The following LMBR1 variants were observed in gnomAD, a reference collection of about 807,000 sequenced individuals.
LMBR1 encodes limb development membrane protein 1.
In LMBR1, 52 loss-of-function variants were observed where a neutral mutation model predicts 73.9. The observed-to-expected ratio is 0.70, with a 90% CI of 0.56 to 0.89. The LOEUF (loss-of-function observed/expected upper bound fraction) is 0.89. Among genes scored for constraint, LMBR1 ranks in the 40% least tolerant of loss-of-function variants. The pLI, the probability that LMBR1 is intolerant of heterozygous loss-of-function variation, is 0.00. For synonymous variants in LMBR1, 215 were observed against 209.4 expected (o/e 1.03, Z -0.23); for missense variants, 539 against 579.8 (o/e 0.93, Z 0.72).
chr7:156,841,694 C>G (rs1326742197), intron 1 of LMBR1, among the ~76,000 whole-genome samples: 1 of 152,062 alleles, frequency 6.6e-6, no homozygotes, highest in Non-Finnish European at 1.5e-5. Context: ...GATTTAGCAC[C>G]ATGGAGGTCA....
At chr7:156,749,696 T>C (rs1176364878) in intron 9 of LMBR1, among the ~76,000 whole-genome samples, 1 of 152,138 alleles carries the variant, frequency 6.6e-6, no homozygotes, top group Admixed American at 6.5e-5. Context: ...GCAAGGACTT[T>C]TTCGTTTTTT....
intron 3 of LMBR1, among the ~76,000 whole-genome samples, chr7:156,829,649 T>G (rs557376863): frequency 6.6e-6 from 1 of 152,192 alleles, no homozygotes; most frequent in Non-Finnish European, 1.5e-5. Flanking sequence ...ACTAACACTA[T>G]CAGGCTCTTC....
chr7:156,730,765 G>A (rs1403581996), intron 10 of LMBR1, among the ~76,000 whole-genome samples: 7 of 151,984 alleles, frequency 4.6e-5, no homozygotes, highest in Admixed American at 2.6e-4. Context: ...GTAAAACCCC[G>A]TCTCTACTAA....
downstream of LMBR1, among the ~76,000 whole-genome samples, chr7:156,675,121 G>A (rs1217135167): frequency 6.6e-6 from 1 of 152,206 alleles, no homozygotes; most frequent in African/African-American, 2.4e-5. Flanking sequence ...GTGCAGACCC[G>A]AAGAGGCAGC....
chr7:156,827,197 GA>G (rs1022981759), intron 3 of LMBR1, among the ~76,000 whole-genome samples: 4 of 151,628 alleles, frequency 2.6e-5, no homozygotes, highest in Non-Finnish European at 4.4e-5. Flanking sequence ...TATTTCAGAG[GA>G]AAAAAAACTT....
chr7:156,748,794 GGATCATTTTTA>G (rs1169196270), intron 9 of LMBR1, among the ~76,000 whole-genome samples: 4 of 151,710 alleles, frequency 2.6e-5, no homozygotes, highest in Non-Finnish European at 5.9e-5. Context: ...CAGCCAATTT[GGATCATTTTTA>G]TAGAATAACT....
intron 5 of LMBR1, among the ~76,000 whole-genome samples, chr7:156,772,797 G>A (rs185557410): frequency 8.5e-4 from 129 of 151,298 alleles, no homozygotes; most frequent in African/African-American, 2.9e-3. Context: ...GCAGCAAGCC[G>A]AGATTGTGCC....
At chr7:156,842,918 C>T (rs1265833244) in intron 1 of LMBR1, among the ~76,000 whole-genome samples, 1 of 152,166 alleles carries the variant, frequency 6.6e-6, no homozygotes, top group African/African-American at 2.4e-5. Flanking sequence ...CCTCCCCTTT[C>T]CAGCCAAGCG....
intron 13 of LMBR1, 111 bp from the exon 14 acceptor site, chr7:156,725,636 T>TAA: frequency 8.3e-7 from 1 of 1,209,396 alleles, no homozygotes; most frequent in Non-Finnish European, 1.2e-6. Flanking sequence ...AAAGCCGCTT[T>TAA]AAGTGCTTGA....
intron 4 of LMBR1, among the ~76,000 whole-genome samples, chr7:156,803,831 A>C (rs1253502222): frequency 1.3e-5 from 2 of 151,968 alleles, no homozygotes; most frequent in Non-Finnish European, 2.9e-5. Flanking sequence ...GGATGAGTTC[A>C]TGTCCTTTGT....
intron 4 of LMBR1, among the ~76,000 whole-genome samples, chr7:156,796,940 T>C (rs1830146669): frequency 6.6e-6 from 1 of 152,216 alleles, no homozygotes; most frequent in Admixed American, 6.5e-5. Flanking sequence ...AGCCCTTATG[T>C]GCCAAGCACT....
chr7:156,762,404 G>A (rs1310936889), intron 7 of LMBR1, among the ~76,000 whole-genome samples: 1 of 152,152 alleles, frequency 6.6e-6, no homozygotes, highest in African/African-American at 2.4e-5. Flanking sequence ...GAGCAGGATA[G>A]GTGTAATTAG....
At position 156,725,770 on chromosome 7, in the gene LMBR1, A is replaced by C. The variant is rs1243701564; in HGVS notation, c.1061T>G (p.Leu354Trp). The part of the protein sequence containing the change: ...GFVGAALEII[L>W]IFYLMVSSVV... ...TCAGTTAAAGAAAGGATACAAAATCAAAATGATTTCAAGCGCAGCTCCCAC... is the reference window on the plus strand; with the variant it reads ...TCAGTTAAAGAAAGGATACAAAATCCAAATGATTTCAAGCGCAGCTCCCAC... The change falls in exon 13 of 17, where the codon TTG becomes TGG. Residue 354 changes from leucine to tryptophan, a missense_variant. Physicochemically the swap from Leu to Trp is moderately conservative, Grantham distance 61. Around this residue, in one of 3 missense-constraint regions of LMBR1, gnomAD observed 454 missense variants for 473.4 expected, o/e 0.96. Transcript: ENST00000353442. 6.2e-7 allele frequency: 1 copy of C among 1,613,302 alleles called. No individual in the cohort carries two copies. Among genetic ancestry groups the C allele is most frequent in the Non-Finnish European group, 8.5e-7 (1 of 1,179,602 alleles).
chr7:156,724,764 CTGTGTGTGTGTGTG>C (rs71189961), intron 14 of LMBR1, among the ~76,000 whole-genome samples: 136 of 146,536 alleles, frequency 9.3e-4, no homozygotes, highest in African/African-American at 2.0e-3. Flanking sequence ...AAAGAAATAG[CTGTGTGTGTGTGTG>C]TGTGTGTGTG....
intron 9 of LMBR1, among the ~76,000 whole-genome samples, chr7:156,738,684 T>C (rs1294398687): frequency 3.3e-5 from 5 of 152,152 alleles, no homozygotes; most frequent in African/African-American, 4.8e-5. Flanking sequence ...TTCTAGGCCC[T>C]AGCTTCTGGA....
At chr7:156,728,471 T>C (rs911774523) in intron 11 of LMBR1, among the ~76,000 whole-genome samples, 173 bp downstream of exon 11, 4 of 152,226 alleles carry the variant, frequency 2.6e-5, no homozygotes, top group Admixed American at 6.5e-5. Flanking sequence ...TTGCCATTAA[T>C]TTCCATTTTT....
At chr7:156,765,827 C>T (rs1823974148) in intron 5 of LMBR1, among the ~76,000 whole-genome samples, 1 of 152,148 alleles carries the variant, frequency 6.6e-6, no homozygotes, top group African/African-American at 2.4e-5. Context: ...ACAAATAACA[C>T]ATGCATTATA....
intron 1 of LMBR1, among the ~76,000 whole-genome samples, chr7:156,876,696 T>C (rs1263729312): frequency 1.3e-5 from 2 of 152,038 alleles, no homozygotes; most frequent in African/African-American, 4.8e-5. Flanking sequence ...TACATGGAAA[T>C]TAAATAACCT....
chr7:156,696,374 A>G (rs1808286193), intron 15 of LMBR1, among the ~76,000 whole-genome samples: 1 of 152,246 alleles, frequency 6.6e-6, no homozygotes. Context: ...ACAAGAAAAT[A>G]AATCCAATCG....
Sources: allele counts gnomAD v4.1 joint callset (sites outside exome capture counted in the v4.1 genomes callset), GRCh38; gene constraint gnomAD v4.1.1; regional missense constraint gnomAD v4.1.1; transcripts MANE v1.5; gene names NCBI Gene and HGNC (gene_info 2026-07-23, HGNC 2026-07-21).